Variants in PTPRN2 observed in about 807,000 individuals in gnomAD.
The protein encoded by PTPRN2 is protein tyrosine phosphatase receptor type N2.
A neutral mutation model predicts 118.8 loss-of-function variants in PTPRN2; 74 were observed. That is an observed-to-expected ratio of 0.62 (90% CI 0.52 to 0.76). PTPRN2 has a LOEUF of 0.76. Among genes scored for constraint, PTPRN2 ranks in the 30% least tolerant of loss-of-function variants. PTPRN2 has a pLI of 0.00. For synonymous variants in PTPRN2, 641 were observed against 608.0 expected, an observed-to-expected ratio of 1.05 and a Z score of -0.80; for missense variants, 1,481 against 1,394.4, an observed-to-expected ratio of 1.06 and a Z score of -0.99.
intron 13 of PTPRN2, among the ~76,000 whole-genome samples, chr7:157,672,858 T>C (rs1381278074): frequency 1.3e-5 from 2 of 152,274 alleles, no homozygotes; most frequent in Non-Finnish European, 2.9e-5. Context: ...TACTGGCTAA[T>C]GTAATCGTCT....
chr7:158,548,118 A>G (rs1239465616), intron 1 of PTPRN2, among the ~76,000 whole-genome samples: 1 of 152,196 alleles, frequency 6.6e-6, no homozygotes, highest in Non-Finnish European at 1.5e-5. Context: ...GGAGCAGGCG[A>G]CATCCACTCT....
chr7:158,128,918 GCA>G (rs1331943950), intron 9 of PTPRN2, among the ~76,000 whole-genome samples: 7 of 151,426 alleles, frequency 4.6e-5, no homozygotes, highest in African/African-American at 1.5e-4. Context: ...GAGGGCTCCA[GCA>G]CAGAGTGAGG....
intron 12 of PTPRN2, among the ~76,000 whole-genome samples, chr7:157,786,586 G>A (rs4716779): frequency 0.18 from 28,041 of 152,116 alleles, 3,152 homozygotes; most frequent in African/African-American, 0.32. Flanking sequence ...GGTGAGGACC[G>A]GGCTCGCTCC....
At chr7:158,132,744 C>CTTA (rs112279145) in intron 9 of PTPRN2, among the ~76,000 whole-genome samples, 2,825 of 150,494 alleles carry the variant, frequency 0.019, 73 homozygotes, top group African/African-American at 0.058. Context: ...CCAACATACA[C>CTTA]TATACACACA....
chr7:158,089,253 A>AC (rs546153302), intron 10 of PTPRN2, among the ~76,000 whole-genome samples: 1 of 29,132 alleles, frequency 3.4e-5, no homozygotes, highest in Non-Finnish European at 9.9e-5. Flanking sequence ...GTCTTCACAC[A>AC]AACCTTCCTC....
In PTPRN2 at chr7:157,768,535, A is replaced by G. The variant is rs529943458; in HGVS notation, c.1789-85598T>C. Among the ~76,000 whole-genome samples, 6 of 152,248 alleles carry G rather than the reference A, an allele frequency of 3.9e-5. No homozygotes were observed. In the South Asian group the frequency reaches 1.2e-3, roughly 32 times the overall value. ...TTGTCTTCAAGGAGCCATGATGGGG[A>G]TGACGTGAGGCTCCCCAGCTCCTGG... On this transcript the variant is annotated intron_variant, in intron 12 of 22. Coordinates refer to ENST00000389418, the MANE Select transcript of PTPRN2 (RefSeq NM_002847.5).
intron 2 of PTPRN2, among the ~76,000 whole-genome samples, chr7:158,342,912 A>G (rs1190867772): frequency 6.6e-6 from 1 of 152,088 alleles, no homozygotes; most frequent in African/African-American, 2.4e-5. Context: ...GGGGCTTCAA[A>G]AGCGAAGGAG....
Position 157,651,651 on chromosome 7 carries a change from G to A in PTPRN2, c.2196+4706C>T, listed in dbSNP as rs116251457. Reference sequence around the variant, plus strand: ...TCACCCTTCTGAAAGCAAAGTGATAGGGAAACAGATCTTGAAAAAACTCGA... The same window carrying A: ...TCACCCTTCTGAAAGCAAAGTGATAAGGAAACAGATCTTGAAAAAACTCGA... On this transcript the variant is annotated intron_variant, in intron 14 of 22. Transcript: ENST00000389418. 4.2e-3 allele frequency among the ~76,000 whole-genome samples: 643 copies of A among 152,304 alleles called. 2 individuals are homozygous for A. Among genetic ancestry groups the A allele is most frequent in the African/African-American group, 0.015 (612 of 41,552 alleles).
rs529998389 is a variant in PTPRN2, at chr7:157,622,834, G to T, written c.2197-1325C>A. ...CTTGAGCTAGTTGGGAAAAGCAGAG[G>T]GACTCCAGTGCCGTTGAGAAGCCGC... On this transcript the variant is annotated intron_variant, in intron 14 of 22. Coordinates refer to ENST00000389418, the MANE Select transcript of PTPRN2 (RefSeq NM_002847.5). The surrounding 1 kb of genome is among the most constrained non-coding windows in gnomAD (Gnocchi z 5.3). Among the ~76,000 whole-genome samples the T allele has an allele frequency of 6.6e-6, 1 of 152,262 alleles. No homozygotes were observed. Among genetic ancestry groups the T allele is most frequent in the African/African-American group, 2.4e-5 (1 of 41,548 alleles).
At chr7:158,318,133 C>T (rs1369101492) in intron 2 of PTPRN2, among the ~76,000 whole-genome samples, 3 of 152,096 alleles carry the variant, frequency 2.0e-5, no homozygotes, top group Admixed American at 6.5e-5. Context: ...CTCGGGGACG[C>T]GTCTGCAGAG....
intron 1 of PTPRN2, chr7:158,537,383 C>G (rs537289928): frequency 1.3e-5 from 2 of 152,254 alleles, no homozygotes; most frequent in African/African-American, 4.8e-5. Flanking sequence ...AAGGCCCAAA[C>G]GAGGAAGCAG....
At chr7:158,573,732 A>C (rs1828172968) in intron 1 of PTPRN2, among the ~76,000 whole-genome samples, 1 of 152,228 alleles carries the variant, frequency 6.6e-6, no homozygotes, top group Non-Finnish European at 1.5e-5. Context: ...ATTACTGAAC[A>C]TATATATTGA....
At chr7:158,392,180 C>G (rs532385089) in intron 2 of PTPRN2, among the ~76,000 whole-genome samples, 1 of 152,282 alleles carries the variant, frequency 6.6e-6, no homozygotes, top group African/African-American at 2.4e-5. Context: ...CTCCCTTCAT[C>G]TCCTGTCCAT....
At position 158,133,690 on chromosome 7, in the gene PTPRN2, C is replaced by G. The variant is rs139250935; in HGVS notation, c.1543G>C (p.Val515Leu). The G allele has an allele frequency of 1.3e-6, 2 of 1,586,660 alleles. No individual in the cohort carries two copies. The highest frequency in any genetic ancestry group is 1.7e-6 in the Non-Finnish European group (2 of 1,166,432). ...GCTGCTACTCACTCTCTGTCTGTCA[C>G]GATGTAGCCCCGCGCCTCTTCCTCG... Reference protein sequence around the residue: ...PSEEEARGYIVTDRDPLRPEE... With the variant: ...PSEEEARGYILTDRDPLRPEE... Residue 515 changes from valine (V) to leucine (L), a missense_variant, in exon 9 of 23, where the codon GTG becomes CTG. By Grantham distance (32) the Val-to-Leu change is conservative. Coordinates refer to ENST00000389418, the MANE Select transcript of PTPRN2 (RefSeq NM_002847.5).
chr7:157,782,058 T>G (rs927096533), intron 12 of PTPRN2, among the ~76,000 whole-genome samples: 1 of 152,216 alleles, frequency 6.6e-6, no homozygotes, highest in African/African-American at 2.4e-5. Flanking sequence ...CTATGCTATC[T>G]CTTTCACTGT....
chr7:158,316,885 G>T lies in PTPRN2; in HGVS notation c.211C>A (p.Arg71Ser), dbSNP rs767160550. ...AGGGCCACGGGCGACACCTCGTAGC[G>T]GTAAAAGTCCATTGCCGGAACCTTC... The part of the protein sequence containing the change: ...CQKVPAMDFY[R>S]YEVSPVALQR... Residue 71 changes from arginine to serine, a missense_variant, in exon 3 of 23, where the codon CGC (arginine) becomes AGC (serine). Arg to Ser is a moderately radical substitution (Grantham distance 110). This residue lies in a region of PTPRN2 where 1,115 missense variants were observed against 994.2 expected (regional missense o/e 1.12). Transcript: ENST00000389418. The T allele has an allele frequency of 1.2e-6, 2 of 1,612,644 alleles. No homozygotes were observed. Among genetic ancestry groups the T allele is most frequent in the Non-Finnish European group, 1.7e-6 (2 of 1,179,978 alleles).
chr7:158,450,626 C>T lies in PTPRN2; in HGVS notation c.163+39109G>A, dbSNP rs1458473787. Among the ~76,000 whole-genome samples the T allele has an allele frequency of 5.3e-5, 8 of 152,158 alleles. No homozygotes were observed. The South Asian group carries it at 6.2e-4, about 12-fold the overall frequency. On this transcript the variant is annotated intron_variant, in intron 2 of 22. Transcript: ENST00000389418. ...TCTGCACCAGATTCACAGGGCCTGT[C>T]GTCTTTCACACCTTCCTTCTTTCAC...
intron 9 of PTPRN2, among the ~76,000 whole-genome samples, chr7:158,115,876 T>C (rs73745104): frequency 0.021 from 3,211 of 152,308 alleles, 118 homozygotes; most frequent in African/African-American, 0.073. Flanking sequence ...ATGACAAGAC[T>C]GGGTGGGCCC....
intron 11 of PTPRN2, among the ~76,000 whole-genome samples, chr7:158,072,786 C>G (rs909816769): frequency 2.0e-5 from 3 of 152,186 alleles, no homozygotes; most frequent in Non-Finnish European, 4.4e-5. Flanking sequence ...TGTAGGGTCC[C>G]CAAAGCACAA....
Sources: allele counts gnomAD v4.1 joint callset (sites outside exome capture counted in the v4.1 genomes callset), GRCh38; gene constraint gnomAD v4.1.1; regional missense constraint gnomAD v4.1.1; non-coding constraint Gnocchi (gnomAD v3.1); transcripts MANE v1.5; gene names NCBI Gene and HGNC (gene_info 2026-07-23, HGNC 2026-07-21).